Variants in QSER1 observed in about 807,000 individuals in gnomAD.
QSER1 encodes glutamine and serine-rich protein 1.
Under a neutral mutation model 158.5 loss-of-function variants are expected in QSER1, and 49 were observed. The ratio of observed to expected loss-of-function variants is 0.31; its 90% CI spans 0.25 to 0.39. The LOEUF (loss-of-function observed/expected upper bound fraction) is 0.39, where lower values mean the gene tolerates loss of function less well. Ranked by LOEUF, QSER1 falls within the 10% of genes least tolerant of loss-of-function variation. The pLI, the probability that QSER1 is intolerant of heterozygous loss-of-function variation, is 1.00. For synonymous variants in QSER1, 650 were observed against 715.5 expected, an observed-to-expected ratio of 0.91 and a Z score of 1.46; for missense variants, 1,754 against 2,010.3, an observed-to-expected ratio of 0.87 and a Z score of 2.44.
chr11:32,960,875 A>G (rs1564945032), intron 8 of QSER1, among the ~76,000 whole-genome samples: 1 of 152,198 alleles, frequency 6.6e-6, no homozygotes, highest in Non-Finnish European at 1.5e-5. Context: ...AAATATTGAT[A>G]ATAAACATAT....
chr11:32,956,212 AT>A (rs1271554120), intron 7 of QSER1, 91 bp downstream of exon 7: 53 of 1,190,522 alleles, frequency 4.5e-5, no homozygotes, highest in Non-Finnish European at 5.6e-5. Context: ...AATTAAATAG[AT>A]TTTTTTTATT....
At chr11:32,955,875 A>T in intron 6 of QSER1, 113 bp from the exon 7 acceptor site, 1 of 917,824 alleles carries the variant, frequency 1.1e-6, no homozygotes, top group Non-Finnish European at 1.7e-6. Flanking sequence ...GCCTGGCCAG[A>T]GCTGCATTTT....
At chr11:32,948,739 T>A (rs1033409320) in intron 4 of QSER1, among the ~76,000 whole-genome samples, 1 of 152,260 alleles carries the variant, frequency 6.6e-6, no homozygotes, top group African/African-American at 2.4e-5. Flanking sequence ...TACATTCTTT[T>A]TTTAAAAAAA....
intron 8 of QSER1, among the ~76,000 whole-genome samples, chr11:32,958,487 G>A (rs990269925): frequency 6.6e-6 from 1 of 151,894 alleles, no homozygotes; most frequent in East Asian, 1.9e-4. Context: ...ACCTGGGCTC[G>A]TAACTCTCCT....
intron 1 of QSER1, among the ~76,000 whole-genome samples, chr11:32,917,664 A>G (rs1182191589): frequency 7.2e-5 from 11 of 151,958 alleles, no homozygotes; most frequent in African/African-American, 2.4e-4. Context: ...CATCTCCACT[A>G]AAAATACAAA....
chr11:32,964,085 A>G (rs1377592276), intron 8 of QSER1, among the ~76,000 whole-genome samples: 1 of 151,874 alleles, frequency 6.6e-6, no homozygotes, highest in Non-Finnish European at 1.5e-5. Flanking sequence ...CAGTCCTCCT[A>G]CTTCAGGCCC....
Position 32,931,927 on chromosome 11 carries a change from T to A in QSER1, c.669T>A (p.Ser223Arg). The A allele has an allele frequency of 6.2e-7, 1 of 1,614,170 alleles. No homozygotes were observed. Among genetic ancestry groups the A allele is most frequent in the South Asian group, 1.1e-5 (1 of 91,074 alleles). ...TFNTTSNGIL[S>R]HHDPLLQIKT... is the part of the protein sequence containing the mutation. ...ACACTACATCAAATGGAATTTTAAG[T>A]CATCATGACCCTTTGCTACAAATCA... Residue 223 changes from serine to arginine, a missense_variant, in exon 4 of 13, where the codon AGT (serine) becomes AGA (arginine). Physicochemically the swap from Ser to Arg is moderately radical, Grantham distance 110 (BLOSUM62 -1). This residue lies in a region of QSER1 where 1,707 missense variants were observed against 1,919.6 expected (regional missense o/e 0.89). Coordinates refer to ENST00000650167, the MANE Select transcript of QSER1 (RefSeq NM_001076786.3).
chr11:32,955,590 A>G (rs906655476), intron 6 of QSER1, among the ~76,000 whole-genome samples, 178 bp downstream of exon 6: 4 of 152,162 alleles, frequency 2.6e-5, no homozygotes, highest in Admixed American at 6.5e-5. Context: ...TTTGTTAAAT[A>G]TCAGCTATTT....
intron 1 of QSER1, among the ~76,000 whole-genome samples, chr11:32,917,837 A>AG: frequency 6.7e-6 from 1 of 150,228 alleles, no homozygotes; most frequent in South Asian, 2.1e-4. Context: ...AAAAAAAAAA[A>AG]AAAAAAACCA....
chr11:32,912,582 C>G (rs1564927809), intron 1 of QSER1, among the ~76,000 whole-genome samples: 1 of 151,936 alleles, frequency 6.6e-6, no homozygotes, highest in Non-Finnish European at 1.5e-5. Context: ...AAAAAACTAA[C>G]CAGGCGATGC....
In QSER1 at chr11:32,932,772, T is replaced by G; in HGVS notation, c.1514T>G (p.Leu505Trp). Residue 505 changes from leucine to tryptophan, a missense_variant, in exon 4 of 13, where the codon TTG (leucine) becomes TGG (tryptophan). By Grantham distance (61) the Leu-to-Trp change is moderately conservative. Around this residue, in one of 2 missense-constraint regions of QSER1, gnomAD observed 1,707 missense variants for 1,919.6 expected, o/e 0.89. Transcript: ENST00000650167. ...AAATTGCCACCCTTGTATAAAACAT[T>G]GACTTTTTCTGGGTCATCTCAGACT... ...VEKLPPLYKT[L>W]TFSGSSQTVT... The G allele has an allele frequency of 1.9e-6, 3 of 1,614,090 alleles. No individual in the cohort carries two copies. The highest frequency in any genetic ancestry group is 2.5e-6 in the Non-Finnish European group (3 of 1,179,996).
Position 32,954,027 on chromosome 11 carries a change from G to A in QSER1, c.4348G>A (p.Asp1450Asn). ...AGAATCCTCAAAGCCCATTGAACTT[G>A]ATGGTCTTCCTTCAGACCAGTTTGC... is the stretch of plus-strand genomic sequence containing the variant. ...SSESSKPIEL[D>N]GLPSDQFAKG... The change falls in exon 5 of 13, where the codon GAT (aspartate) becomes AAT (asparagine). Residue 1450 changes from aspartate (D) to asparagine (N), a missense_variant. Coordinates refer to ENST00000650167, the MANE Select transcript of QSER1 (RefSeq NM_001076786.3). 6.2e-7 allele frequency: 1 copy of A among 1,614,134 alleles called. No individual in the cohort carries two copies. Among genetic ancestry groups the A allele is most frequent in the Non-Finnish European group, 8.5e-7 (1 of 1,180,000 alleles).
In QSER1 at chr11:32,928,044, T is replaced by C. The variant is rs1295012469; in HGVS notation, c.405T>C (p.Thr135=). ...KESSVMNFLS[T]AESRTAQAAA... is the part of the protein sequence containing the mutation. The stretch of plus-strand genomic sequence containing the variant: ...CTTCAGTGATGAATTTTCTGTCTAC[T>C]GCTGAATCCCGAACTGCTCAGGCTG... Residue 135 remains threonine (T), a synonymous_variant, in exon 3 of 13, where the codon ACT becomes ACC. Coordinates refer to ENST00000650167, the MANE Select transcript of QSER1 (RefSeq NM_001076786.3). 1 of 1,613,102 alleles carries C rather than the reference T, an allele frequency of 6.2e-7. No individual in the cohort carries two copies. The highest frequency in any genetic ancestry group is 2.2e-5 in the East Asian group (1 of 44,860).
chr11:32,962,827 G>A (rs1852650214), intron 8 of QSER1, among the ~76,000 whole-genome samples: 1 of 152,134 alleles, frequency 6.6e-6, no homozygotes, highest in Non-Finnish European at 1.5e-5. Flanking sequence ...ACCATCAGTT[G>A]TTTTCCTTGA....
At chr11:32,928,156 A>G (rs761505426) in intron 3 of QSER1, 33 bp downstream of exon 3, 11 of 1,327,666 alleles carry the variant, frequency 8.3e-6, no homozygotes, top group Non-Finnish European at 1.1e-5. Context: ...TTTAAGTCCT[A>G]TAAAAATGCT....
At chr11:32,918,315 C>A (rs1271138365) in intron 1 of QSER1, among the ~76,000 whole-genome samples, 1 of 151,918 alleles carries the variant, frequency 6.6e-6, no homozygotes, top group Admixed American at 6.6e-5. Context: ...ATAGTAAATA[C>A]ATATAGTATG....
chr11:32,936,608 A>G (rs1852156654), intron 4 of QSER1, among the ~76,000 whole-genome samples: 2 of 152,202 alleles, frequency 1.3e-5, no homozygotes, highest in Non-Finnish European at 2.9e-5. Flanking sequence ...ACACATTGTT[A>G]TCTCCAATAT....
At chr11:32,920,735 T>C (rs1434860890) in intron 1 of QSER1, among the ~76,000 whole-genome samples, 2 of 152,154 alleles carry the variant, frequency 1.3e-5, no homozygotes, top group African/African-American at 4.8e-5. Flanking sequence ...AAGATGCAAG[T>C]GGTCAGTAAG....
intron 8 of QSER1, among the ~76,000 whole-genome samples, chr11:32,965,573 A>T (rs535814593): frequency 2.6e-5 from 4 of 152,296 alleles, no homozygotes; most frequent in African/African-American, 9.6e-5. Context: ...ACCACCTAGC[A>T]GCAGATGTCT....
Sources: gnomAD v4.1 joint callset for allele counts (sites outside exome capture counted in the v4.1 genomes callset) on GRCh38, gnomAD v4.1.1 for gene constraint, gnomAD v4.1.1 regional missense constraint, MANE v1.5 for transcripts, NCBI Gene and HGNC (gene_info 2026-07-23, HGNC 2026-07-21) for gene names.